SRP68: variants seen among roughly 807,000 people sequenced by gnomAD.
The protein encoded by SRP68 is signal recognition particle 68, also known as signal recognition particle subunit SRP68.
A neutral mutation model predicts 82.2 loss-of-function variants in SRP68; 15 were observed. The observed-to-expected ratio is 0.18, with a 90% CI of 0.12 to 0.28. The LOEUF is 0.28. SRP68 is among the 10% of genes least tolerant of loss of function. SRP68 has a pLI of 1.00. For missense variants in SRP68, 595 were observed against 780.5 expected (o/e 0.76, Z 2.83); for synonymous variants, 261 against 292.6 (o/e 0.89, Z 1.10).
chr17:76,053,013 G>C (rs1447733175), intron 8 of SRP68, among the ~76,000 whole-genome samples: 2 of 151,700 alleles, frequency 1.3e-5, no homozygotes, highest in Non-Finnish European at 2.9e-5. Flanking sequence ...TGTAATCCCA[G>C]CACTTTGGGA....
rs1301022196 is a variant in SRP68 at position 76,066,669 on chromosome 17, T to C, written c.365+548A>G. On this transcript the variant is annotated intron_variant, in intron 3 of 15. Coordinates refer to ENST00000307877, the MANE Select transcript of SRP68 (RefSeq NM_014230.4). ...TAATAGGCAAGAAGGGAGAAGAAGC[T>C]TCCCTGTACAGAGACAGAGGAAGGG... Among the ~76,000 whole-genome samples, 3 of 150,300 alleles carry C rather than the reference T, an allele frequency of 2.0e-5. No homozygotes were observed. The East Asian group carries it at 5.8e-4, about 29-fold the overall frequency.
chr17:76,059,803 A>AG (rs1311609377), intron 7 of SRP68, among the ~76,000 whole-genome samples: 4 of 150,504 alleles, frequency 2.7e-5, no homozygotes, highest in Admixed American at 6.6e-5. Flanking sequence ...AAAAAAAAAA[A>AG]AAAAAGAATA....
In SRP68 at chr17:76,039,633, T is replaced by C. The variant is rs942298849; in HGVS notation, c.*73A>G. The C allele has an allele frequency of 2.8e-6, 4 of 1,452,118 alleles. No homozygotes were observed. The highest frequency in any genetic ancestry group is 2.4e-5 in the East Asian group (1 of 42,478). The allele number at this position is 1,452,118 out of a possible 1,614,324, so 90.0% of individuals were successfully genotyped here. On this transcript the variant is annotated 3_prime_UTR_variant, in exon 16 of 16. Coordinates refer to ENST00000307877, the MANE Select transcript of SRP68 (RefSeq NM_014230.4). ...CAATGCAGACCTGGATTTAATATCA[T>C]GGAACTTGCTGGGATTTTCTCACAA...
At chr17:76,044,979 T>G (rs1211427675) in intron 12 of SRP68, 1 of 210,398 alleles carries the variant, frequency 4.8e-6, no homozygotes, top group Non-Finnish European at 9.4e-6. Context: ...CGACCTCAGG[T>G]GATCCACCTG....
In SRP68 at chr17:76,062,578, C is replaced by CATTATAT. The variant is rs1309091176; in HGVS notation, c.562-1011_562-1005dup. 2.0e-3 allele frequency among the ~76,000 whole-genome samples: 71 copies of CATTATAT among 36,312 alleles called. 5 individuals are homozygous for CATTATAT. The highest frequency in any genetic ancestry group is 0.013 in the African/African-American group (46 of 3,594). 23.8% of individuals were successfully genotyped at this position (36,312 alleles called of 152,430 possible). ...TATACATTATATATTATATAATATA[C>CATTATAT]ATTATATAATATATAATATACATTA... On this transcript the variant is annotated intron_variant, in intron 4 of 15. Transcript: ENST00000307877.
intron 2 of SRP68, among the ~76,000 whole-genome samples, chr17:76,068,941 G>A (rs981797997): frequency 1.3e-5 from 2 of 151,344 alleles, no homozygotes; most frequent in Admixed American, 6.6e-5. Context: ...CCTTACCACA[G>A]TGTCTAATAT....
At chr17:76,067,933 A>G (rs2066819385) in intron 2 of SRP68, among the ~76,000 whole-genome samples, 1 of 152,184 alleles carries the variant, frequency 6.6e-6, no homozygotes, top group Admixed American at 6.5e-5. Flanking sequence ...TGTCAAGTTG[A>G]AAGGACATGG....
At chr17:76,062,725 TATTTTATA>T (rs2066771690) in intron 4 of SRP68, among the ~76,000 whole-genome samples, 2 of 25,570 alleles carry the variant, frequency 7.8e-5, no homozygotes, top group Non-Finnish European at 1.1e-4. Context: ...ATATTATATT[TATTTTATA>T]TATATATATA....
rs754117024 is a variant in SRP68, at chr17:76,071,154, G to A, written c.185-710C>T. On this transcript the variant is annotated intron_variant, in intron 1 of 15. Transcript: ENST00000307877. This position sits in a 1 kb window ranked among gnomAD's most constrained non-coding sequence, Gnocchi z 4.7. ...ATTCATTCAGATTCAGGTTATAAATGACATGTACTAAGCCTCCATTTGCAT... is the reference window on the plus strand; with the variant it reads ...ATTCATTCAGATTCAGGTTATAAATAACATGTACTAAGCCTCCATTTGCAT... Among the ~76,000 whole-genome samples, 5 of 152,160 alleles carry A rather than the reference G, an allele frequency of 3.3e-5. No individual in the cohort carries two copies. Among genetic ancestry groups the A allele is most frequent in the Non-Finnish European group, 7.3e-5 (5 of 68,046 alleles).
chr17:76,061,005 C>A (rs577535821), intron 6 of SRP68, 105 bp downstream of exon 6: 2 of 761,582 alleles, frequency 2.6e-6, no homozygotes, highest in South Asian at 1.7e-5. Flanking sequence ...TGGAGGCAAG[C>A]GAAGAAGAAA....
At chr17:76,050,081 T>C (rs1414952244) in intron 9 of SRP68, among the ~76,000 whole-genome samples, 2 of 151,956 alleles carry the variant, frequency 1.3e-5, no homozygotes, top group East Asian at 1.9e-4. Context: ...AAGAGACAAA[T>C]AGATCTGAGG....
At position 76,039,959 on chromosome 17, in the gene SRP68, T is replaced by C. The variant is rs1173598466; in HGVS notation, c.1657-26A>G. The stretch of plus-strand genomic sequence containing the variant: ...CTGGAAGTCAAATCAAAGAGACGTA[T>C]GTAGCATCGGTCACAGAACACCCTT... On this transcript the variant is annotated intron_variant, in intron 15 of 15. Coordinates refer to ENST00000307877, the MANE Select transcript of SRP68 (RefSeq NM_014230.4). The C allele has an allele frequency of 2.5e-6, 4 of 1,609,560 alleles. No individual in the cohort carries two copies. The South Asian group carries it at 3.3e-5, about 13-fold the overall frequency.
chr17:76,046,305 G>C lies in SRP68; in HGVS notation c.1143-111C>G, dbSNP rs956011017. 82 of 1,254,826 alleles carry C rather than the reference G, an allele frequency of 6.5e-5. No homozygotes were observed. The African/African-American group carries it at 1.1e-3, about 17-fold the overall frequency. The allele number at this position is 1,254,826 out of a possible 1,614,324, so 77.7% of individuals were successfully genotyped here. The stretch of plus-strand genomic sequence containing the variant: ...GAGGAAGCAGGGGGCGGGTGGGGGC[G>C]TGGCCACAGCAGGGCCATTTGGCTT... On this transcript the variant is annotated intron_variant, in intron 10 of 15. Transcript: ENST00000307877.
At chr17:76,043,737 G>A (rs1020559212) in intron 13 of SRP68, 92 bp downstream of exon 13, 1 of 1,403,158 alleles carries the variant, frequency 7.1e-7, no homozygotes, top group South Asian at 1.5e-5. Context: ...ACCAGCCTGA[G>A]GTGGCGCCCA....
chr17:76,072,498 C>T lies in SRP68; in HGVS notation c.-7G>A. ...CCTGCTTCTCAGCAGCCATCTTGCC[C>T]CTGCGCCGCAGAGCAAGACGGGATA... On this transcript the variant is annotated 5_prime_UTR_variant, in exon 1 of 16. Transcript: ENST00000307877. This position sits in a 1 kb window ranked among gnomAD's most constrained non-coding sequence, Gnocchi z 4.5. The T allele has an allele frequency of 6.3e-7, 1 of 1,582,288 alleles. No homozygotes were observed.
In SRP68 at chr17:76,050,504, T is replaced by A; in HGVS notation, c.1001A>T (p.Glu334Val). ...GCTGAGCATTGATTCAAACAGGCGC[T>A]CCTTAGTTTCTTCGCTTTCAGCCTA... ...IVQAESEETK[E>V]RLFESMLSEC... Residue 334 changes from glutamate (E) to valine (V), a missense_variant, in exon 9 of 16, where the codon GAG becomes GTG. This residue lies in a region of SRP68 where 495 missense variants were observed against 688.6 expected (regional missense o/e 0.72). Transcript: ENST00000307877. 1.2e-6 allele frequency: 2 copies of A among 1,613,576 alleles called. No individual in the cohort carries two copies. The highest frequency in any genetic ancestry group is 1.7e-6 in the Non-Finnish European group (2 of 1,179,804).
intron 13 of SRP68, chr17:76,041,229 T>C: frequency 2.7e-6 from 1 of 366,880 alleles, no homozygotes; most frequent in South Asian, 3.9e-5. Flanking sequence ...TATCATACAC[T>C]AAACAGTGTG....
In SRP68 at chr17:76,047,933, T is replaced by G; in HGVS notation, c.1115A>C (p.Lys372Thr). 1 of 1,576,580 alleles carries G rather than the reference T, an allele frequency of 6.3e-7. No individual in the cohort carries two copies. Among genetic ancestry groups the G allele is most frequent in the East Asian group, 2.3e-5 (1 of 43,932 alleles). ...RDYILEGEPG[K>T]VSNLQYLHSY... ...ATGCAAGTATTGAAGATTAGACACC[T>G]TCCCTGGCTCTCCTTCAAGGATATA... The change falls in exon 10 of 16, where the codon AAG becomes ACG. Residue 372 changes from lysine (K) to threonine (T), a missense_variant. By Grantham distance (78) the Lys-to-Thr change is moderately conservative. Transcript: ENST00000307877.
intron 8 of SRP68, among the ~76,000 whole-genome samples, chr17:76,054,667 CA>C (rs1310893173): frequency 6.6e-6 from 1 of 151,928 alleles, no homozygotes; most frequent in African/African-American, 2.4e-5. Context: ...ACTAAAAATA[CA>C]AAAAATTAGT....
Sources: gnomAD v4.1 joint callset for allele counts (sites outside exome capture counted in the v4.1 genomes callset) on GRCh38, gnomAD v4.1.1 for gene constraint, gnomAD v4.1.1 regional missense constraint, Gnocchi (gnomAD v3.1) non-coding constraint, MANE v1.5 for transcripts, NCBI Gene and HGNC (gene_info 2026-07-23, HGNC 2026-07-21) for gene names.